CFAP54: variants seen among roughly 807,000 people sequenced by gnomAD.
CFAP54 encodes cilia and flagella associated protein 54, also known as cilia- and flagella-associated protein 54.
A neutral mutation model predicts 370.4 loss-of-function variants in CFAP54; 290 were observed. The ratio of observed to expected loss-of-function variants is 0.78; its 90% CI spans 0.71 to 0.86. The LOEUF is 0.86. CFAP54 is among the 40% of genes least tolerant of loss of function. The pLI is 0.00. For synonymous variants in CFAP54, 1,206 were observed against 1,236.5 expected (o/e 0.98, Z 0.52); for missense variants, 3,399 against 3,528.7 (o/e 0.96, Z 0.93).
intron 26 of CFAP54, among the ~76,000 whole-genome samples, chr12:96,618,287 C>G (rs1316723000): frequency 6.6e-6 from 1 of 152,092 alleles, no homozygotes; most frequent in African/African-American, 2.4e-5. Context: ...TCGACATACT[C>G]CAAAACATTG....
At chr12:96,851,387 A>T (rs2136454868) in intron 66 of CFAP54, among the ~76,000 whole-genome samples, 1 of 152,264 alleles carries the variant, frequency 6.6e-6, no homozygotes, top group Non-Finnish European at 1.5e-5. Flanking sequence ...TTTAAGTAGC[A>T]GTTTTTCCAA....
chr12:96,519,750 T>C (rs1442785522), intron 6 of CFAP54, among the ~76,000 whole-genome samples: 4 of 152,252 alleles, frequency 2.6e-5, no homozygotes, highest in African/African-American at 7.2e-5. Flanking sequence ...AATTAACATA[T>C]TCATCTTCTC....
At chr12:96,578,473 AAG>A (rs1458502625) in intron 20 of CFAP54, among the ~76,000 whole-genome samples, 1 of 152,226 alleles carries the variant, frequency 6.6e-6, no homozygotes, top group Non-Finnish European at 1.5e-5. Context: ...GTGCTTTACT[AAG>A]AGTTTTTGTT....
intron 63 of CFAP54, among the ~76,000 whole-genome samples, chr12:96,804,045 T>A (rs1023388093): frequency 2.6e-5 from 4 of 151,704 alleles, no homozygotes; most frequent in African/African-American, 7.3e-5. Flanking sequence ...TAAATATCTT[T>A]AAAAAAAAGA....
chr12:96,799,100 T>C (rs1958795070), intron 63 of CFAP54, among the ~76,000 whole-genome samples: 1 of 152,182 alleles, frequency 6.6e-6, no homozygotes, highest in Admixed American at 6.5e-5. Context: ...ATAGGGCTAA[T>C]TGGAGGATAG....
chr12:96,745,031 A>G (rs561967641), intron 55 of CFAP54, among the ~76,000 whole-genome samples: 1 of 152,144 alleles, frequency 6.6e-6, no homozygotes, highest in Non-Finnish European at 1.5e-5. Flanking sequence ...GTTCCTTTTT[A>G]TGGCTGCATA....
intron 67 of CFAP54, among the ~76,000 whole-genome samples, chr12:96,863,254 A>G (rs1959922494): frequency 6.6e-6 from 1 of 152,092 alleles, no homozygotes; most frequent in African/African-American, 2.4e-5. Flanking sequence ...AGGCAGAGGT[A>G]TCACCAACAC....
intron 1 of CFAP54, 34 bp downstream of exon 1, chr12:96,489,960 G>A: frequency 6.7e-7 from 1 of 1,503,446 alleles, no homozygotes; most frequent in Non-Finnish European, 8.9e-7. Flanking sequence ...GAGGGCGCCG[G>A]CCAGAGGAGG....
intron 1 of CFAP54, among the ~76,000 whole-genome samples, chr12:96,497,700 G>A (rs1036076692): frequency 6.6e-6 from 1 of 152,104 alleles, no homozygotes; most frequent in Non-Finnish European, 1.5e-5. Context: ...AACAATATAC[G>A]CCTTCAAGAT....
intron 36 of CFAP54, among the ~76,000 whole-genome samples, chr12:96,654,078 GTAC>G (rs776256931): frequency 6.6e-6 from 1 of 152,120 alleles, no homozygotes; most frequent in Non-Finnish European, 1.5e-5. Flanking sequence ...TGCCCTAAAT[GTAC>G]TAACAAACTT....
intron 17 of CFAP54, among the ~76,000 whole-genome samples, chr12:96,560,800 A>C (rs1041751010): frequency 6.6e-6 from 1 of 152,198 alleles, no homozygotes; most frequent in Non-Finnish European, 1.5e-5. Flanking sequence ...GTAGGAATGA[A>C]TATCCTGTTC....
intron 66 of CFAP54, among the ~76,000 whole-genome samples, chr12:96,857,163 C>T (rs548379738): frequency 5.3e-5 from 8 of 152,268 alleles, no homozygotes; most frequent in South Asian, 2.1e-4. Context: ...TACCTCCCAC[C>T]GGGTCCCTCC....
Position 96,822,814 on chromosome 12 carries a change from G to A in CFAP54, c.9096+4901G>A, listed in dbSNP as rs1035199490. Among the ~76,000 whole-genome samples the A allele has an allele frequency of 6.6e-5, 10 of 152,234 alleles. No homozygotes were observed. The South Asian group carries it at 2.1e-3, about 32-fold the overall frequency. The stretch of plus-strand genomic sequence containing the variant: ...AGCTGTCTTGCTCTCATAGCTCTCT[G>A]GCATCCATAGCAGCTCTCTAACATC... On this transcript the variant is annotated intron_variant, in intron 65 of 67. Transcript: ENST00000524981.
chr12:96,540,579 A>G (rs1381218111), intron 13 of CFAP54, among the ~76,000 whole-genome samples: 1 of 152,256 alleles, frequency 6.6e-6, no homozygotes, highest in Non-Finnish European at 1.5e-5. Flanking sequence ...TAATGGCTAT[A>G]GATGTGCAGA....
intron 19 of CFAP54, 71 bp from the exon 20 acceptor site, chr12:96,576,514 T>C (rs1160267971): frequency 3.4e-6 from 4 of 1,161,276 alleles, no homozygotes; most frequent in Non-Finnish European, 4.7e-6. Context: ...TTAACATCAC[T>C]AGAATTCTAT....
intron 32 of CFAP54, among the ~76,000 whole-genome samples, chr12:96,641,115 G>T (rs1956722970): frequency 6.6e-6 from 1 of 152,140 alleles, no homozygotes; most frequent in Non-Finnish European, 1.5e-5. Flanking sequence ...ACAGCAAAAA[G>T]AAACTACCAT....
chr12:96,737,457 GA>G (rs1166005252), intron 50 of CFAP54, among the ~76,000 whole-genome samples: 1 of 148,398 alleles, frequency 6.7e-6, no homozygotes, highest in Non-Finnish European at 1.5e-5. Flanking sequence ...GTTTTTAATA[GA>G]TATATTATAT....
chr12:96,653,984 G>A (rs1456109011), intron 36 of CFAP54, among the ~76,000 whole-genome samples: 2 of 152,036 alleles, frequency 1.3e-5, no homozygotes, highest in African/African-American at 4.8e-5. Flanking sequence ...TTGTTAATAA[G>A]TTTGATCACT....
At chr12:96,619,490 C>T (rs951653395) in intron 26 of CFAP54, among the ~76,000 whole-genome samples, 3 of 151,996 alleles carry the variant, frequency 2.0e-5, no homozygotes, top group African/African-American at 7.3e-5. Flanking sequence ...TTTTTTCTAA[C>T]ATGCCACTTG....
Sources: allele counts gnomAD v4.1 joint callset (sites outside exome capture counted in the v4.1 genomes callset), GRCh38; gene constraint gnomAD v4.1.1; transcripts MANE v1.5; gene names NCBI Gene and HGNC (gene_info 2026-07-23, HGNC 2026-07-21).